Variants in AQR observed in about 807,000 individuals in gnomAD.
AQR encodes aquarius intron-binding spliceosomal factor, also known as RNA helicase aquarius.
Under a neutral mutation model 180.5 loss-of-function variants are expected in AQR, and 61 were observed. That is an observed-to-expected ratio of 0.34 (90% CI 0.28 to 0.42). The LOEUF (loss-of-function observed/expected upper bound fraction) is 0.42. Among genes scored for constraint, AQR ranks in the 10% least tolerant of loss-of-function variants. The pLI is 1.00. For missense variants in AQR, 1,281 were observed against 1,798.3 expected, an observed-to-expected ratio of 0.71 and a Z score of 5.20; for synonymous variants, 551 against 588.8, an observed-to-expected ratio of 0.94 and a Z score of 0.93.
At chr15:34,929,440 T>TAGG (rs1893815856) in intron 12 of AQR, among the ~76,000 whole-genome samples, 1 of 152,212 alleles carries the variant, frequency 6.6e-6, no homozygotes, top group African/African-American at 2.4e-5. Context: ...ATTTACTGAA[T>TAGG]AGGAGATCCT....
chr15:34,856,547 C>G lies in AQR; in HGVS notation c.*245G>C, dbSNP rs1892587917. 1 of 434,152 alleles carries G rather than the reference C, an allele frequency of 2.3e-6. No homozygotes were observed. The allele number at this position is 434,152 out of a possible 1,614,324, so 26.9% of individuals were successfully genotyped here. A position where few individuals can be genotyped will look rare whatever the true frequency, so the allele number is the denominator to read the frequency against. On this transcript the variant is annotated 3_prime_UTR_variant, in exon 35 of 35. Coordinates refer to ENST00000156471, the MANE Select transcript of AQR (RefSeq NM_014691.3). ...ATTTTAATGTAGGTATGATTACAGA[C>G]ACACTCAGTGATCAAAACATGAAAG...
At chr15:34,906,379 C>A in intron 18 of AQR, 166 bp downstream of exon 18, 1 of 713,996 alleles carries the variant, frequency 1.4e-6, no homozygotes, top group East Asian at 3.1e-5. Flanking sequence ...TTACCTATAT[C>A]TAAAACTGCA....
intron 10 of AQR, among the ~76,000 whole-genome samples, chr15:34,933,747 C>T (rs1893901524): frequency 6.6e-6 from 1 of 152,206 alleles, no homozygotes. Flanking sequence ...GGGCCAATTA[C>T]TTGTGACTTC....
intron 4 of AQR, among the ~76,000 whole-genome samples, chr15:34,949,617 A>G (rs1595808476): frequency 6.7e-6 from 1 of 150,238 alleles, no homozygotes. Context: ...AAAAAAAAAA[A>G]AAAAAAAAAA....
intron 20 of AQR, among the ~76,000 whole-genome samples, chr15:34,900,135 C>T (rs1595791120): frequency 6.6e-6 from 1 of 152,236 alleles, no homozygotes; most frequent in Non-Finnish European, 1.5e-5. Flanking sequence ...TCAAGCAGTC[C>T]TCCCGCCTTA....
At chr15:34,910,464 A>AC in intron 16 of AQR, 151 bp from the exon 17 acceptor site, 1 of 863,408 alleles carries the variant, frequency 1.2e-6, no homozygotes, top group Non-Finnish European at 1.7e-6. Context: ...AAAAAAGAAA[A>AC]CCTTTAACTC....
chr15:34,956,084 T>C (rs1462876829), intron 3 of AQR, among the ~76,000 whole-genome samples: 2 of 152,132 alleles, frequency 1.3e-5, no homozygotes, highest in African/African-American at 4.8e-5. Flanking sequence ...ACAATGTTCG[T>C]GGAGTTTTTC....
chr15:34,874,590 T>C (rs565314234), intron 29 of AQR, 87 bp downstream of exon 29: 20 of 1,496,340 alleles, frequency 1.3e-5, no homozygotes, highest in South Asian at 3.6e-5. Context: ...AGAATGCTAA[T>C]AGTCTACACA....
rs1893626899 is a variant in AQR, at chr15:34,918,271, G to C, written c.1329C>G (p.Tyr443Ter). The C allele has an allele frequency of 4.3e-6, 7 of 1,613,158 alleles. No individual in the cohort carries two copies. The change falls in exon 15 of 35, where the codon TAC (tyrosine) becomes TAG (stop). Residue 443 changes from tyrosine (Y) to a stop codon, truncating the protein, a stop_gained. Coordinates refer to ENST00000156471, the MANE Select transcript of AQR (RefSeq NM_014691.3). LOFTEE classifies it high-confidence loss of function. ...TCTTTACCATACCTTCTCCAGAATA[G>C]TACTCAGTTGGGACAATATTTTCAT... ...IWDENIVPTE[Y>*]YSGEGCLALP...
chr15:34,876,743 A>G (rs1892894419), intron 27 of AQR, among the ~76,000 whole-genome samples: 1 of 152,192 alleles, frequency 6.6e-6, no homozygotes, highest in Non-Finnish European at 1.5e-5. Flanking sequence ...TATTCAATCT[A>G]GTCCCTGACT....
At chr15:34,863,192 G>T in intron 32 of AQR, 151 bp from the exon 33 acceptor site, 1 of 685,050 alleles carries the variant, frequency 1.5e-6, no homozygotes, top group Non-Finnish European at 2.3e-6. Flanking sequence ...GTTAATCAAT[G>T]TTACGTGACT....
chr15:34,901,902 A>G (rs1893337623), intron 19 of AQR, among the ~76,000 whole-genome samples: 1 of 152,242 alleles, frequency 6.6e-6, no homozygotes, highest in Admixed American at 6.5e-5. Flanking sequence ...TCACCTAACA[A>G]TGATGAATAA....
intron 22 of AQR, among the ~76,000 whole-genome samples, chr15:34,893,979 A>T (rs1893193747): frequency 6.6e-6 from 1 of 152,164 alleles, no homozygotes; most frequent in African/African-American, 2.4e-5. Context: ...AAAAAAGATT[A>T]AAAAAATAGA....
intron 27 of AQR, among the ~76,000 whole-genome samples, chr15:34,881,079 G>A (rs114416635): frequency 0.013 from 2,021 of 152,202 alleles, 53 homozygotes; most frequent in African/African-American, 0.046. Flanking sequence ...TAGAACACAG[G>A]CAAAAGCTCC....
chr15:34,956,609 G>A (rs753145552), intron 3 of AQR, among the ~76,000 whole-genome samples: 4 of 148,436 alleles, frequency 2.7e-5, no homozygotes, highest in African/African-American at 9.9e-5. Flanking sequence ...CTGAGATTGC[G>A]CCACTGCACT....
At chr15:34,904,540 T>C (rs762382171) in intron 18 of AQR, 35 bp from the exon 19 acceptor site, 14 of 1,551,454 alleles carry the variant, frequency 9.0e-6, no homozygotes, top group African/African-American at 1.4e-5. Flanking sequence ...AAATAAAATA[T>C]GTATTTTTCA....
At chr15:34,958,963 T>A (rs1330590639) in intron 3 of AQR, among the ~76,000 whole-genome samples, 1 of 149,080 alleles carries the variant, frequency 6.7e-6, no homozygotes, top group Non-Finnish European at 1.5e-5. Flanking sequence ...TGACATTACA[T>A]TACATATAGA....
chr15:34,944,928 C>G (rs1894086832), intron 5 of AQR, among the ~76,000 whole-genome samples: 1 of 152,284 alleles, frequency 6.6e-6, no homozygotes, highest in East Asian at 1.9e-4. Context: ...CTGCCACAGA[C>G]AAATGCTCCA....
chr15:34,954,874 A>G (rs1001399443), intron 3 of AQR, among the ~76,000 whole-genome samples: 3 of 152,124 alleles, frequency 2.0e-5, no homozygotes, highest in Admixed American at 6.5e-5. Context: ...CTGTAATCCT[A>G]AACTTTGGGA....
Sources: allele counts gnomAD v4.1 joint callset (sites outside exome capture counted in the v4.1 genomes callset), GRCh38; gene constraint gnomAD v4.1.1; transcripts MANE v1.5; gene names NCBI Gene and HGNC (gene_info 2026-07-23, HGNC 2026-07-21).